The following APAF1 variants were observed in gnomAD, a reference collection of about 807,000 sequenced individuals.
APAF1 encodes the protein apoptotic protease-activating factor 1.
In APAF1, 91 loss-of-function variants were observed where a neutral mutation model predicts 152.4. The ratio of observed to expected loss-of-function variants is 0.60; its 90% CI spans 0.50 to 0.71. APAF1 has a LOEUF of 0.71. Among genes scored for constraint, APAF1 ranks in the 30% least tolerant of loss-of-function variants. The probability of loss-of-function intolerance (pLI) is 0.00; values close to 1 mark genes in which losing one functional copy is unlikely to be tolerated. For missense variants in APAF1, 1,283 were observed against 1,472.0 expected, an observed-to-expected ratio of 0.87 and a Z score of 2.10; for synonymous variants, 484 against 494.1, an observed-to-expected ratio of 0.98 and a Z score of 0.27.
intron 22 of APAF1, among the ~76,000 whole-genome samples, chr12:98,717,272 T>A (rs1593107295): frequency 6.6e-6 from 1 of 152,010 alleles, no homozygotes; most frequent in East Asian, 1.9e-4. Context: ...AATTCTTATT[T>A]TGTAGATAGA....
Position 98,699,514 on chromosome 12 carries a change from GT to G in APAF1, c.2413del (p.Ser805ArgfsTer9). 6.2e-7 allele frequency: 1 copy of G among 1,614,208 alleles called. No homozygotes were observed. The highest frequency in any genetic ancestry group is 8.5e-7 in the Non-Finnish European group (1 of 1,180,038). On this transcript the variant is annotated frameshift_variant, in exon 17 of 27. Coordinates refer to ENST00000551964, the MANE Select transcript of APAF1 (RefSeq NM_181861.2). LOFTEE classifies it high-confidence loss of function. ...QEDMEVIVKC[C>X]SWSADGARIM... The stretch of plus-strand genomic sequence containing the variant: ...GATATGGAAGTGATAGTGAAGTGTT[GT>G]TCGTGGTCTGCTGATGGTGCAAGGA...
At chr12:98,715,646 C>A in intron 22 of APAF1, 94 bp downstream of exon 22, 1 of 1,409,226 alleles carries the variant, frequency 7.1e-7, no homozygotes, top group Non-Finnish European at 1.0e-6. Context: ...ATTTTAAACA[C>A]ATTACGTTGG....
At position 98,708,689 on chromosome 12, in the gene APAF1, T is replaced by C; in HGVS notation, c.2826T>C (p.His942=). Residue 942 remains histidine (H), a synonymous_variant, in exon 20 of 27, where the codon CAT becomes CAC. Transcript: ENST00000551964. ...AAGTGATGGTCCTTGCAGTTGACCATATAAGACGTCTGCAAGTGAGTATTT... is the reference window on the plus strand; with the variant it reads ...AAGTGATGGTCCTTGCAGTTGACCACATAAGACGTCTGCAAGTGAGTATTT... The part of the protein sequence containing the change: ...ENEVMVLAVD[H]IRRLQLINGR... The C allele has an allele frequency of 3.1e-6, 5 of 1,613,704 alleles. No homozygotes were observed. Among genetic ancestry groups the C allele is most frequent in the Non-Finnish European group, 4.2e-6 (5 of 1,179,864 alleles).
intron 16 of APAF1, among the ~76,000 whole-genome samples, chr12:98,698,217 G>GAAAAC (rs1339988796): frequency 3.9e-5 from 6 of 152,010 alleles, no homozygotes; most frequent in South Asian, 2.1e-4. Flanking sequence ...TTTTTAAATT[G>GAAAAC]AAAACAAAAC....
At position 98,728,195 on chromosome 12, in the gene APAF1, T is replaced by C. The variant is rs79944693; in HGVS notation, c.3600+879T>C. On this transcript the variant is annotated intron_variant, in intron 26 of 26. Transcript: ENST00000551964. ...ATGACTAGCAAGTTGGGTGTTTAACTTAGTTCTGTTTTCCATGTCATTCAC... is the reference window on the plus strand; with the variant it reads ...ATGACTAGCAAGTTGGGTGTTTAACCTAGTTCTGTTTTCCATGTCATTCAC... Among the ~76,000 whole-genome samples the C allele has an allele frequency of 6.2e-3, 937 of 152,258 alleles. 10 individuals are homozygous for C. Among genetic ancestry groups the C allele is most frequent in the African/African-American group, 0.021 (880 of 41,552 alleles).
chr12:98,666,629 C>T (rs1332426577), intron 9 of APAF1, among the ~76,000 whole-genome samples: 1 of 152,168 alleles, frequency 6.6e-6, no homozygotes, highest in African/African-American at 2.4e-5. Flanking sequence ...CCCTACTTGT[C>T]ATTTTTTTCC....
intron 22 of APAF1, among the ~76,000 whole-genome samples, chr12:98,720,759 A>G (rs1221582282): frequency 6.6e-6 from 1 of 152,132 alleles, no homozygotes; most frequent in East Asian, 1.9e-4. Flanking sequence ...AGGTCAGGAG[A>G]TCGAGACCAT....
chr12:98,723,227 T>C lies in APAF1; in HGVS notation c.3119T>C (p.Leu1040Pro). The C allele has an allele frequency of 6.2e-7, 1 of 1,613,666 alleles. No individual in the cohort carries two copies. Among genetic ancestry groups the C allele is most frequent in the Non-Finnish European group, 8.5e-7 (1 of 1,179,608 alleles). ...TGGCAATTGGACAAATGTATCTTTCTACGAGGCCATCAGGAAACAGTGAAA... is the reference window on the plus strand; with the variant it reads ...TGGCAATTGGACAAATGTATCTTTCCACGAGGCCATCAGGAAACAGTGAAA... Reference protein sequence around the residue: ...WNWQLDKCIFLRGHQETVKDF... With the variant: ...WNWQLDKCIFPRGHQETVKDF... Residue 1040 changes from leucine to proline, a missense_variant, in exon 23 of 27, where the codon CTA (leucine) becomes CCA (proline). Physicochemically the swap from Leu to Pro is moderately conservative, Grantham distance 98 (BLOSUM62 -3). Coordinates refer to ENST00000551964, the MANE Select transcript of APAF1 (RefSeq NM_181861.2).
chr12:98,679,904 G>C (rs550443784), intron 13 of APAF1, among the ~76,000 whole-genome samples: 2 of 152,376 alleles, frequency 1.3e-5, no homozygotes, highest in African/African-American at 4.8e-5. Context: ...CCCTTGGCAG[G>C]CTTGGGACCC....
chr12:98,703,410 C>T lies in APAF1; in HGVS notation c.2506C>T (p.His836Tyr), dbSNP rs748739981. The change falls in exon 18 of 27, where the codon CAC becomes TAC. Residue 836 changes from histidine to tyrosine, a missense_variant. Physicochemically the swap from His to Tyr is moderately conservative, Grantham distance 83. Coordinates refer to ENST00000551964, the MANE Select transcript of APAF1 (RefSeq NM_181861.2). ...TACTAGTGGCCTATTGGGAGAAATC[C>T]ACACGGGCCATCACAGCACCATCCA... ...IHTSGLLGEI[H>Y]TGHHSTIQYC... The T allele has an allele frequency of 1.1e-4, 179 of 1,613,960 alleles. No individual in the cohort carries two copies. The highest frequency in any genetic ancestry group is 1.4e-4 in the Non-Finnish European group (171 of 1,180,004).
In APAF1 at chr12:98,648,521, C is replaced by T. The variant is rs766035695; in HGVS notation, c.138+24C>T. The T allele has an allele frequency of 6.2e-6, 10 of 1,610,604 alleles. No homozygotes were observed. The East Asian group carries it at 1.3e-4, about 22-fold the overall frequency. ...AGGTAAAGCTCTCTGAAGCAGTCCA[C>T]ACTTCCTTAAAAATTTTTAGAATTT... is the stretch of plus-strand genomic sequence containing the variant. On this transcript the variant is annotated intron_variant, in intron 2 of 26. Coordinates refer to ENST00000551964, the MANE Select transcript of APAF1 (RefSeq NM_181861.2).
rs143467699 is a variant in APAF1 at position 98,699,351 on chromosome 12, A to G, written c.2305-57A>G. 442 of 1,541,104 alleles carry G rather than the reference A, an allele frequency of 2.9e-4. 1 individual carries two copies. The African/African-American group carries it at 5.4e-3, about 19-fold the overall frequency. ...TGGCATTTAATTTAGGAAAAATTCT[A>G]GAAGTGTGATTATAGAGTAAAACAA... On this transcript the variant is annotated intron_variant, in intron 16 of 26. Transcript: ENST00000551964.
intron 17 of APAF1, 138 bp from the exon 18 acceptor site, chr12:98,703,233 T>A: frequency 1.1e-6 from 1 of 893,876 alleles, no homozygotes; most frequent in Non-Finnish European, 1.8e-6. Flanking sequence ...ATATTTTGTT[T>A]ATGACTGTCA....
intron 5 of APAF1, 36 bp downstream of exon 5, chr12:98,659,379 C>T (rs763920923): frequency 1.2e-6 from 2 of 1,602,636 alleles, no homozygotes; most frequent in East Asian, 2.2e-5. Context: ...GTGTCAGGTC[C>T]CATGTCCCAA....
At chr12:98,655,942 C>T (rs913018622) in intron 4 of APAF1, among the ~76,000 whole-genome samples, 4 of 152,254 alleles carry the variant, frequency 2.6e-5, no homozygotes, top group African/African-American at 9.6e-5. Context: ...TGCCACCACA[C>T]CCAGCTAATT....
chr12:98,676,288 C>A (rs2097686411), intron 12 of APAF1, among the ~76,000 whole-genome samples: 1 of 152,136 alleles, frequency 6.6e-6, no homozygotes, highest in African/African-American at 2.4e-5. Context: ...TGGCTCACTG[C>A]AACCTCCACC....
chr12:98,704,125 C>CT lies in APAF1; in HGVS notation c.2595+637dup, dbSNP rs1158643299. Among the ~76,000 whole-genome samples the CT allele has an allele frequency of 6.6e-3, 961 of 145,292 alleles. 9 individuals carry two copies. Among genetic ancestry groups the CT allele is most frequent in the African/African-American group, 0.021 (824 of 39,786 alleles). On this transcript the variant is annotated intron_variant, in intron 18 of 26. Transcript: ENST00000551964. ...TTTTTCCTTCAAAGATGGATTAGTG[C>CT]TTTTTTTTTTTGTTTTTTAATAGAA...
In APAF1 at chr12:98,650,978, G is replaced by T. The variant is rs75377389; in HGVS notation, c.526+1294G>T. Among the ~76,000 whole-genome samples, 356 of 152,232 alleles carry T rather than the reference G, an allele frequency of 2.3e-3. 9 individuals are homozygous for T. The East Asian group carries it at 0.063, about 27-fold the overall frequency. Reference sequence around the variant, plus strand: ...TTAAATTGCTCTACATTATTGTGATGAATTTTCAATTCTAGGGATTAAAAT... The same window carrying T: ...TTAAATTGCTCTACATTATTGTGATTAATTTTCAATTCTAGGGATTAAAAT... On this transcript the variant is annotated intron_variant, in intron 4 of 26. Coordinates refer to ENST00000551964, the MANE Select transcript of APAF1 (RefSeq NM_181861.2).
At chr12:98,724,760 C>T (rs1367056261) in intron 24 of APAF1, among the ~76,000 whole-genome samples, 1 of 152,096 alleles carries the variant, frequency 6.6e-6, no homozygotes, top group East Asian at 1.9e-4. Context: ...AAACTATAAA[C>T]TTTTCAAGGA....
Sources: allele counts gnomAD v4.1 joint callset (sites outside exome capture counted in the v4.1 genomes callset), GRCh38; gene constraint gnomAD v4.1.1; transcripts MANE v1.5; gene names NCBI Gene and HGNC (gene_info 2026-07-23, HGNC 2026-07-21).